The following VPS13D variants were observed in gnomAD, a reference collection of about 807,000 sequenced individuals.
VPS13D encodes intermembrane lipid transfer protein VPS13D.
In VPS13D, 187 loss-of-function variants were observed where a neutral mutation model predicts 461.9. That is an observed-to-expected ratio of 0.40 (90% CI 0.36 to 0.46). The LOEUF is 0.46. Among genes scored for constraint, VPS13D ranks in the 20% least tolerant of loss-of-function variants. VPS13D has a pLI of 0.60. For synonymous variants in VPS13D, 1,951 were observed against 1,986.3 expected (o/e 0.98, Z 0.47); for missense variants, 4,711 against 5,364.9 (o/e 0.88, Z 3.81).
At chr1:12,469,264 T>C (rs1426375010) in intron 67 of VPS13D, among the ~76,000 whole-genome samples, 1 of 152,220 alleles carries the variant, frequency 6.6e-6, no homozygotes, top group Non-Finnish European at 1.5e-5. Flanking sequence ...AACCTATTTG[T>C]ATATATTCAT....
At position 12,278,013 on chromosome 1, in the gene VPS13D, C is replaced by A. The variant is rs1228357450; in HGVS notation, c.4425C>A (p.Phe1475Leu). ...AAGCTCATTTCACACGACATGATTTCTTTGAATCTTTGCATAGAGGTCAAG... is the reference window on the plus strand; with the variant it reads ...AAGCTCATTTCACACGACATGATTTATTTGAATCTTTGCATAGAGGTCAAG... ...QEEAHFTRHD[F>L]FESLHRGQAF... is the part of the protein sequence containing the mutation. Residue 1475 changes from phenylalanine to leucine, a missense_variant, in exon 19 of 70, where the codon TTC becomes TTA. Transcript: ENST00000620676. 6.2e-7 allele frequency: 1 copy of A among 1,613,616 alleles called. No homozygotes were observed. The highest frequency in any genetic ancestry group is 1.3e-5 in the African/African-American group (1 of 75,016).
At chr1:12,370,676 A>G (rs1206475494) in intron 54 of VPS13D, among the ~76,000 whole-genome samples, 2 of 152,180 alleles carry the variant, frequency 1.3e-5, no homozygotes, top group African/African-American at 2.4e-5. Flanking sequence ...TTGAGTCAAT[A>G]TGTTTGTTTG....
chr1:12,371,976 T>C (rs1180381437), intron 54 of VPS13D, among the ~76,000 whole-genome samples: 2 of 152,314 alleles, frequency 1.3e-5, no homozygotes, highest in East Asian at 3.9e-4. Flanking sequence ...GCTAAACGAT[T>C]GTACATTCCT....
intron 38 of VPS13D, among the ~76,000 whole-genome samples, chr1:12,334,819 A>T (rs1643410419): frequency 6.6e-6 from 1 of 151,148 alleles, no homozygotes; most frequent in Non-Finnish European, 1.5e-5. Flanking sequence ...CAGTGGTAAA[A>T]TTTGTTTTGT....
At chr1:12,233,347 C>G (rs1355256398) in intron 1 of VPS13D, among the ~76,000 whole-genome samples, 1 of 152,186 alleles carries the variant, frequency 6.6e-6, no homozygotes, top group Non-Finnish European at 1.5e-5. Flanking sequence ...ACGGCATTTT[C>G]TGTCTTAATC....
At chr1:12,410,691 C>T (rs967824165) in intron 63 of VPS13D, among the ~76,000 whole-genome samples, 1 of 151,930 alleles carries the variant, frequency 6.6e-6, no homozygotes, top group African/African-American at 2.4e-5. Context: ...AAATTATAGA[C>T]CAGCACTTTT....
intron 65 of VPS13D, among the ~76,000 whole-genome samples, chr1:12,453,618 T>C (rs1645291278): frequency 6.6e-6 from 1 of 152,204 alleles, no homozygotes; most frequent in Admixed American, 6.5e-5. Context: ...GCACTCTTAT[T>C]GATTCTTTCC....
At chr1:12,476,374 T>C (rs1055341448) in intron 67 of VPS13D, among the ~76,000 whole-genome samples, 1 of 152,360 alleles carries the variant, frequency 6.6e-6, no homozygotes, top group Middle Eastern at 3.4e-3. Flanking sequence ...AATTTTAATA[T>C]ATCAGAGACT....
rs1479287170 is a variant in VPS13D at position 12,349,360 on chromosome 1, A to G, written c.9417A>G (p.Lys3139=). ...KRECHSMDTE[K]SRFFRFCVAI... ...AGTGCCACTCTATGGACACAGAAAAAAGCCGATTTTTCAGGTATGTAGCAC... is the reference window on the plus strand; with the variant it reads ...AGTGCCACTCTATGGACACAGAAAAGAGCCGATTTTTCAGGTATGTAGCAC... Residue 3139 remains lysine (K), a synonymous_variant, in exon 46 of 70, where the codon AAA becomes AAG. Transcript: ENST00000620676. 3 of 1,614,178 alleles carry G rather than the reference A, an allele frequency of 1.9e-6. No homozygotes were observed. In the Admixed American group the frequency reaches 5.0e-5, roughly 27 times the overall value.
At position 12,277,879 on chromosome 1, in the gene VPS13D, C is replaced by G. The variant is rs72866605; in HGVS notation, c.4291C>G (p.Leu1431Val). ...GCAGGTGGAAATCAAGGACATTAAA[C>G]TGTATTCTTTGAATTGCACCCAGTT... ...RLQVEIKDIK[L>V]YSLNCTQLAG... Residue 1431 changes from leucine to valine, a missense_variant, in exon 19 of 70, where the codon CTG becomes GTG. By Grantham distance (32) the Leu-to-Val change is conservative. Coordinates refer to ENST00000620676, the MANE Select transcript of VPS13D (RefSeq NM_015378.4). 146 of 1,614,000 alleles carry G rather than the reference C, an allele frequency of 9.0e-5. 1 individual carries two copies. The highest frequency in any genetic ancestry group is 1.1e-5 in the South Asian group (1 of 91,076).
intron 60 of VPS13D, among the ~76,000 whole-genome samples, chr1:12,394,254 T>G (rs1002258344): frequency 6.6e-6 from 1 of 152,268 alleles, no homozygotes; most frequent in East Asian, 1.9e-4. Flanking sequence ...TCAAACTAGT[T>G]TTTTGTCCAT....
intron 50 of VPS13D, among the ~76,000 whole-genome samples, chr1:12,361,557 G>T (rs1404405796): frequency 6.7e-6 from 1 of 150,344 alleles, no homozygotes; most frequent in South Asian, 2.1e-4. Flanking sequence ...CACTACGCCC[G>T]GCTAATTTTT....
At chr1:12,308,295 AGTGGACAGT>A in intron 26 of VPS13D, 127 bp from the exon 27 acceptor site, 1 of 883,260 alleles carries the variant, frequency 1.1e-6, no homozygotes, top group Non-Finnish European at 1.7e-6. Context: ...TTTTCTGAGT[AGTGGACAGT>A]GTGGGGAAGC....
rs1422923877 is a variant in VPS13D, at chr1:12,353,973, G to A, written c.9432-1G>A. On this transcript the variant is annotated splice_acceptor_variant, in intron 46 of 69. Coordinates refer to ENST00000620676, the MANE Select transcript of VPS13D (RefSeq NM_015378.4). LOFTEE classifies it high-confidence loss of function. Reference sequence around the variant, plus strand: ...ATTTTTACACCATTTTATCTTCATAGGTTTTGTGTGGCTATAAAGAAAGAG... The same window carrying A: ...ATTTTTACACCATTTTATCTTCATAAGTTTTGTGTGGCTATAAAGAAAGAG... 1.2e-6 allele frequency: 2 copies of A among 1,612,654 alleles called. No homozygotes were observed. The highest frequency in any genetic ancestry group is 1.7e-6 in the Non-Finnish European group (2 of 1,179,234).
chr1:12,341,344 C>A (rs1461204582), intron 40 of VPS13D, among the ~76,000 whole-genome samples: 1 of 152,156 alleles, frequency 6.6e-6, no homozygotes, highest in Non-Finnish European at 1.5e-5. Flanking sequence ...CATACTATGA[C>A]TGTAGGGTAA....
Position 12,388,917 on chromosome 1 carries a change from G to A in VPS13D, c.11634+2583G>A, listed in dbSNP as rs372408067. On this transcript the variant is annotated intron_variant, in intron 60 of 69. Transcript: ENST00000620676. ...GAGAATGACTAGATTAACATCAGAC[G>A]GAATAGATTTCAAAGTAAAGAATAT... is the stretch of plus-strand genomic sequence containing the variant. Among the ~76,000 whole-genome samples the A allele has an allele frequency of 3.3e-5, 5 of 152,264 alleles. 1 individual carries two copies. In the South Asian group the frequency reaches 6.2e-4, roughly 19 times the overall value.
Position 12,378,542 on chromosome 1 carries a change from G to A in VPS13D, c.11032G>A (p.Gly3678Arg). 1 of 1,610,154 alleles carries A rather than the reference G, an allele frequency of 6.2e-7. No homozygotes were observed. The change falls in exon 56 of 70, where the codon GGG (glycine) becomes AGG (arginine). Residue 3678 changes from glycine to arginine, a missense_variant. Physicochemically the swap from Gly to Arg is moderately radical, Grantham distance 125. This residue lies in a region of VPS13D where 4,411 missense variants were observed against 4,937.8 expected (regional missense o/e 0.89). Coordinates refer to ENST00000620676, the MANE Select transcript of VPS13D (RefSeq NM_015378.4). The part of the protein sequence containing the change: ...NKPSAARSTE[G>R]SAILDIAGLA... ...GCCCTCAGCCGCCCGCTCCACCGAG[G>A]GGTCTGCCATCTTAGATATTGCTGG...
intron 6 of VPS13D, among the ~76,000 whole-genome samples, chr1:12,252,666 G>C (rs988871815): frequency 5.3e-5 from 8 of 151,746 alleles, no homozygotes; most frequent in African/African-American, 1.9e-4. Flanking sequence ...CAGCTACTTG[G>C]GAGGCTGAGG....
chr1:12,308,688 C>T (rs1557699846), intron 27 of VPS13D, 47 bp downstream of exon 27: 2 of 1,586,790 alleles, frequency 1.3e-6, no homozygotes, highest in East Asian at 4.5e-5. Flanking sequence ...CTCTGTTCAC[C>T]AGGCAGGGTG....
Sources: allele counts gnomAD v4.1 joint callset (sites outside exome capture counted in the v4.1 genomes callset), GRCh38; gene constraint gnomAD v4.1.1; regional missense constraint gnomAD v4.1.1; transcripts MANE v1.5; gene names NCBI Gene and HGNC (gene_info 2026-07-23, HGNC 2026-07-21).